PPFIBP1: variants seen among roughly 807,000 people sequenced by gnomAD.
The protein encoded by PPFIBP1 is PPFIB scaffold protein 1.
Under a neutral mutation model 137.8 loss-of-function variants are expected in PPFIBP1, and 112 were observed. The observed-to-expected ratio is 0.81, with a 90% confidence interval of 0.70 to 0.95. The LOEUF (loss-of-function observed/expected upper bound fraction) is 0.95. PPFIBP1 is among the 40% of genes least tolerant of loss of function. The pLI, the probability that PPFIBP1 is intolerant of heterozygous loss-of-function variation, is 0.00. For synonymous variants in PPFIBP1, 378 were observed against 417.3 expected (o/e 0.91, Z 1.15); for missense variants, 1,083 against 1,196.6 (o/e 0.91, Z 1.40).
chr12:27,536,186 C>G (rs1162108750), intron 1 of PPFIBP1, among the ~76,000 whole-genome samples: 2 of 152,146 alleles, frequency 1.3e-5, no homozygotes, highest in Non-Finnish European at 2.9e-5. Context: ...TCCCACGCAC[C>G]AGGAGTTCAC....
In PPFIBP1 at chr12:27,693,002, G is replaced by A. The variant is rs2140672924; in HGVS notation, c.*120G>A. 7.0e-7 allele frequency: 1 copy of A among 1,431,600 alleles called. No individual in the cohort carries two copies. Among genetic ancestry groups the A allele is most frequent in the East Asian group, 2.5e-5 (1 of 39,884 alleles). The allele number at this position is 1,431,600 out of a possible 1,614,324, so 88.7% of individuals were successfully genotyped here. On this transcript the variant is annotated 3_prime_UTR_variant, in exon 30 of 30. Coordinates refer to ENST00000228425, the MANE Select transcript of PPFIBP1 (RefSeq NM_003622.4). ...ATTGTTTGTTGTTCCAACTTCTGCT[G>A]TCGAGAAGTTTAAACAGAAAGCAGG...
intron 2 of PPFIBP1, among the ~76,000 whole-genome samples, chr12:27,591,344 G>A (rs2052492608): frequency 6.6e-6 from 1 of 152,094 alleles, no homozygotes; most frequent in South Asian, 2.1e-4. Flanking sequence ...AGAGATGCTG[G>A]GAAGGTGAGA....
At chr12:27,671,652 C>A in intron 14 of PPFIBP1, 106 bp downstream of exon 14, 2 of 611,204 alleles carry the variant, frequency 3.3e-6, no homozygotes, top group South Asian at 4.5e-5. Flanking sequence ...CCTAGAGAAG[C>A]AAGAAACTGC....
chr12:27,592,018 A>C (rs1415694165), intron 2 of PPFIBP1, among the ~76,000 whole-genome samples: 2 of 152,260 alleles, frequency 1.3e-5, no homozygotes, highest in African/African-American at 2.4e-5. Flanking sequence ...AAATACAGTA[A>C]GAATGGGTGA....
chr12:27,643,105 C>T (rs1344886222), intron 4 of PPFIBP1, among the ~76,000 whole-genome samples: 1 of 149,976 alleles, frequency 6.7e-6, no homozygotes, highest in African/African-American at 2.5e-5. Context: ...ACCTCCTAAA[C>T]ATAGTGGGAA....
intron 1 of PPFIBP1, among the ~76,000 whole-genome samples, chr12:27,566,215 C>T (rs1053606276): frequency 2.6e-5 from 4 of 151,856 alleles, no homozygotes; most frequent in South Asian, 2.1e-4. Context: ...CCTCTGATAC[C>T]GCCACCACCA....
chr12:27,655,610 T>C (rs1459575790), intron 8 of PPFIBP1, among the ~76,000 whole-genome samples: 2 of 152,198 alleles, frequency 1.3e-5, no homozygotes, highest in Non-Finnish European at 2.9e-5. Flanking sequence ...CAGCAGTTGA[T>C]ATTATCATGG....
intron 2 of PPFIBP1, among the ~76,000 whole-genome samples, chr12:27,598,588 G>A (rs893811513): frequency 4.0e-5 from 6 of 151,488 alleles, no homozygotes; most frequent in Admixed American, 3.9e-4. Context: ...ACACAACTTT[G>A]AAAATATACA....
chr12:27,685,722 G>A (rs2061165455), intron 24 of PPFIBP1, among the ~76,000 whole-genome samples: 1 of 152,282 alleles, frequency 6.6e-6, no homozygotes, highest in South Asian at 2.1e-4. Context: ...TGTGAATAAA[G>A]TCTGCAATTT....
chr12:27,606,552 C>G (rs2054542809), intron 2 of PPFIBP1, among the ~76,000 whole-genome samples: 1 of 152,174 alleles, frequency 6.6e-6, no homozygotes, highest in African/African-American at 2.4e-5. Flanking sequence ...TAACAACTTA[C>G]AAATGAATAC....
At chr12:27,669,564 A>G (rs924365856) in intron 13 of PPFIBP1, among the ~76,000 whole-genome samples, 2 of 152,160 alleles carry the variant, frequency 1.3e-5, no homozygotes, top group African/African-American at 4.8e-5. Context: ...TTAAAGTCTT[A>G]AAGTTTGAAA....
chr12:27,636,129 GTGACACAAATA>G (rs1318552894), intron 4 of PPFIBP1: 1 of 152,118 alleles, frequency 6.6e-6, no homozygotes, highest in African/African-American at 2.4e-5. Flanking sequence ...TTCATATGAT[GTGACACAAATA>G]TTAGAGCTCC....
chr12:27,563,307 A>AAAAAAAAAAAAATTT, intron 1 of PPFIBP1, among the ~76,000 whole-genome samples: 1 of 145,568 alleles, frequency 6.9e-6, no homozygotes, highest in Admixed American at 6.8e-5. Context: ...AAAAAAAAAA[A>AAAAAAAAAAAAATTT]TTAGCTGGGT....
chr12:27,603,095 TA>T, intron 2 of PPFIBP1, among the ~76,000 whole-genome samples: 1 of 152,214 alleles, frequency 6.6e-6, no homozygotes, highest in East Asian at 1.9e-4. Flanking sequence ...CAACACCAAA[TA>T]CAGGCAACCT....
rs1217745269 is a variant in PPFIBP1, at chr12:27,664,430, G to A, written c.975G>A (p.Leu325=). 7 of 1,611,726 alleles carry A rather than the reference G, an allele frequency of 4.3e-6. No individual in the cohort carries two copies. In the Admixed American group the frequency reaches 6.7e-5, roughly 15 times the overall value. ...RYKKMQDTVV[L]AQGKKGKDGE... The stretch of plus-strand genomic sequence containing the variant: ...AGAAAATGCAAGACACGGTGGTACT[G>A]GCCCAAGGTAAAAAAGGTAGAGTGT... The change falls in exon 12 of 30, where the codon CTG becomes CTA. Residue 325 remains leucine (L), a synonymous_variant. Coordinates refer to ENST00000228425, the MANE Select transcript of PPFIBP1 (RefSeq NM_003622.4).
chr12:27,644,154 G>A (rs772792331), intron 4 of PPFIBP1, among the ~76,000 whole-genome samples: 1 of 151,560 alleles, frequency 6.6e-6, no homozygotes, highest in Non-Finnish European at 1.5e-5. Context: ...ATGGCTGACT[G>A]TAGCCTCCAC....
chr12:27,543,596 A>G (rs796778017), intron 1 of PPFIBP1, among the ~76,000 whole-genome samples: 39 of 152,348 alleles, frequency 2.6e-4, no homozygotes, highest in African/African-American at 9.4e-4. Flanking sequence ...TTTATAAATT[A>G]GAGTTTTAAT....
At chr12:27,636,948 G>A (rs552023433) in intron 4 of PPFIBP1, 1 of 152,190 alleles carries the variant, frequency 6.6e-6, no homozygotes, top group Admixed American at 6.5e-5. Context: ...ACTCTGCCTG[G>A]AAAGCTCTTT....
rs1334002618 is a variant in PPFIBP1 at position 27,647,815 on chromosome 12, G to A, written c.444G>A (p.Val148=). The A allele has an allele frequency of 1.2e-6, 2 of 1,612,356 alleles. No individual in the cohort carries two copies. The highest frequency in any genetic ancestry group is 8.5e-7 in the Non-Finnish European group (1 of 1,179,340). Residue 148 remains valine, a synonymous_variant, in exon 6 of 30, where the codon GTG becomes GTA. Coordinates refer to ENST00000228425, the MANE Select transcript of PPFIBP1 (RefSeq NM_003622.4). ...EFCLEEHREK[V]NATEEMLQQE... is the part of the protein sequence containing the mutation. Reference sequence around the variant, plus strand: ...GTCTTGAAGAGCACAGAGAGAAGGTGAATGCCACAGAAGAAATGCTGCAGC... The same window carrying A: ...GTCTTGAAGAGCACAGAGAGAAGGTAAATGCCACAGAAGAAATGCTGCAGC...
Sources: allele counts gnomAD v4.1 joint callset (sites outside exome capture counted in the v4.1 genomes callset), GRCh38; gene constraint gnomAD v4.1.1; transcripts MANE v1.5; gene names NCBI Gene and HGNC (gene_info 2026-07-23, HGNC 2026-07-21).